The following VRK3 variants were observed in gnomAD, a reference collection of about 807,000 sequenced individuals.
VRK3 encodes the protein VRK serine/threonine kinase 3.
VRK3 carries 50 observed loss-of-function variants against 60.4 expected under a neutral mutation model. That is an observed-to-expected ratio of 0.83 (90% CI 0.66 to 1.05). The LOEUF (loss-of-function observed/expected upper bound fraction) is 1.05, where lower values mean the gene tolerates loss of function less well. Ranked by LOEUF, VRK3 falls within the 50% of genes least tolerant of loss-of-function variation. VRK3 has a pLI of 0.00. For missense variants in VRK3, 549 were observed against 585.3 expected, an observed-to-expected ratio of 0.94 and a Z score of 0.64; for synonymous variants, 246 against 227.8, an observed-to-expected ratio of 1.08 and a Z score of -0.72.
chr19:50,024,633 G>C (rs1019778908), intron 1 of VRK3, among the ~76,000 whole-genome samples: 2 of 152,148 alleles, frequency 1.3e-5, no homozygotes, highest in Non-Finnish European at 2.9e-5. Context: ...TATTAGACTA[G>C]CACCGTTCAA....
At chr19:50,018,654 A>G (rs1004190022) in intron 2 of VRK3, among the ~76,000 whole-genome samples, 8 of 152,334 alleles carry the variant, frequency 5.3e-5, no homozygotes, top group African/African-American at 1.4e-4. Context: ...AGTTAGCCAG[A>G]CTAACTTAGT....
rs1022148765 is a variant in VRK3, at chr19:49,976,742, ACTT to A, written c.*51_*53del. 1.3e-5 allele frequency: 2 copies of A among 150,664 alleles called. No homozygotes were observed. The highest frequency in any genetic ancestry group is 2.9e-5 in the Non-Finnish European group (2 of 67,946). 9.3% of individuals were successfully genotyped at this position (150,664 alleles called of 1,614,324 possible). A position where few individuals can be genotyped will look rare whatever the true frequency, so the allele number is the denominator to read the frequency against. ...TAAACAGCAGGCCTTGAGTCACATT[ACTT>A]CATTTTTTTTTTTCTGTTGCACACT... On this transcript the variant is annotated 3_prime_UTR_variant, in exon 15 of 15. Coordinates refer to ENST00000316763, the MANE Select transcript of VRK3 (RefSeq NM_016440.4).
At position 49,997,575 on chromosome 19, in the gene VRK3, T is replaced by A; in HGVS notation, c.613-5A>T. The A allele has an allele frequency of 6.2e-7, 1 of 1,613,792 alleles. No homozygotes were observed. Among genetic ancestry groups the A allele is most frequent in the Non-Finnish European group, 8.5e-7 (1 of 1,179,860 alleles). ...CAAGCGCCCATCCTTGGCATCCTGG[T>A]GGGGGACAGGAGGGGCAGAAGGCTG... On this transcript the variant is annotated splice_region_variant and splice_polypyrimidine_tract_variant and intron_variant, in intron 6 of 14. Coordinates refer to ENST00000316763, the MANE Select transcript of VRK3 (RefSeq NM_016440.4).
chr19:49,981,186 C>T (rs1015861152), intron 12 of VRK3, 173 bp from the exon 13 acceptor site: 2 of 646,926 alleles, frequency 3.1e-6, no homozygotes, highest in Admixed American at 2.4e-5. Context: ...AATCCACTAC[C>T]ATTGCTCCCA....
At chr19:50,018,441 A>G (rs974273028) in intron 2 of VRK3, among the ~76,000 whole-genome samples, 3 of 152,226 alleles carry the variant, frequency 2.0e-5, no homozygotes, top group Non-Finnish European at 2.9e-5. Context: ...CATCCCCATC[A>G]GCTGGTGAAA....
At chr19:50,018,766 C>T (rs2077115841) in intron 2 of VRK3, among the ~76,000 whole-genome samples, 1 of 151,772 alleles carries the variant, frequency 6.6e-6, no homozygotes, top group Non-Finnish European at 1.5e-5. Flanking sequence ...CTGCCTCTTC[C>T]CTCTCTGCCA....
At chr19:49,977,519 C>T (rs1046582029) in intron 14 of VRK3, among the ~76,000 whole-genome samples, 2 of 152,058 alleles carry the variant, frequency 1.3e-5, no homozygotes, top group Admixed American at 6.6e-5. Context: ...AGCCTGGGCT[C>T]GCTCCATCGA....
intron 14 of VRK3, 92 bp downstream of exon 14, chr19:49,978,991 G>C (rs2076376633): frequency 3.6e-6 from 5 of 1,381,240 alleles, no homozygotes; most frequent in Admixed American, 5.1e-5. Flanking sequence ...TATGAACGTG[G>C]AACAGCCTCT....
At chr19:49,983,924 T>C (rs1007548205) in intron 12 of VRK3, among the ~76,000 whole-genome samples, 3 of 150,400 alleles carry the variant, frequency 2.0e-5, no homozygotes, top group Non-Finnish European at 2.9e-5. Flanking sequence ...CCAGAGAGCA[T>C]TTTTGTGCGC....
intron 1 of VRK3, among the ~76,000 whole-genome samples, chr19:50,022,341 G>C (rs1225264235): frequency 6.6e-6 from 1 of 152,188 alleles, no homozygotes; most frequent in East Asian, 1.9e-4. Context: ...CACCAGCCTG[G>C]TCTAGGCCAC....
Position 49,990,124 on chromosome 19 carries a change from C to T in VRK3, c.964-353G>A, listed in dbSNP as rs552397465. ...TCACACCAGACCTCCTGTTGGGCAC[C>T]GGCACTTTACACTTTAATAGTGGTT... is the stretch of plus-strand genomic sequence containing the variant. On this transcript the variant is annotated intron_variant, in intron 10 of 14. Coordinates refer to ENST00000316763, the MANE Select transcript of VRK3 (RefSeq NM_016440.4). 9.3e-4 allele frequency among the ~76,000 whole-genome samples: 142 copies of T among 152,052 alleles called. 1 individual carries two copies. Among genetic ancestry groups the T allele is most frequent in the African/African-American group, 3.3e-3 (135 of 41,474 alleles).
chr19:49,981,401 C>T lies in VRK3; in HGVS notation c.1218-388G>A, dbSNP rs377526498. On this transcript the variant is annotated intron_variant, in intron 12 of 14. Transcript: ENST00000316763. ...CCTACTAAAAATATAAAAAACTAGC[C>T]GGGTGTGGTGGCGGGTGCCTGTGGT... is the stretch of plus-strand genomic sequence containing the variant. Among the ~76,000 whole-genome samples, 20 of 152,184 alleles carry T rather than the reference C, an allele frequency of 1.3e-4. No homozygotes were observed. The South Asian group carries it at 2.3e-3, about 17-fold the overall frequency.
chr19:50,001,080 C>T (rs1160657602), intron 5 of VRK3: 1 of 492,040 alleles, frequency 2.0e-6, no homozygotes, highest in Non-Finnish European at 3.6e-6. Flanking sequence ...TGCAGCAGGC[C>T]TGAGACGGCT....
intron 9 of VRK3, 83 bp downstream of exon 9, chr19:49,994,731 G>A (rs754002272): frequency 9.5e-6 from 12 of 1,257,960 alleles, no homozygotes; most frequent in Non-Finnish European, 1.4e-5. Context: ...GGGGCCGGAA[G>A]TGTCAATGAC....
chr19:50,006,382 A>AT (rs201998359), intron 5 of VRK3, among the ~76,000 whole-genome samples: 14 of 147,786 alleles, frequency 9.5e-5, no homozygotes, highest in Admixed American at 1.4e-4. Flanking sequence ...TCACTGAATA[A>AT]TTTTTTTTTT....
chr19:49,988,263 T>C, intron 12 of VRK3, 109 bp downstream of exon 12: 4 of 1,488,558 alleles, frequency 2.7e-6, no homozygotes, highest in South Asian at 1.2e-5. Context: ...TGGGCTCTGC[T>C]GGATGCCACC....
At chr19:49,986,940 T>A (rs1368118655) in intron 12 of VRK3, 1 of 152,292 alleles carries the variant, frequency 6.6e-6, no homozygotes, top group African/African-American at 2.4e-5. Context: ...CAGGCTGGAA[T>A]GCAGTGGCGA....
chr19:49,993,192 ACTC>A (rs1173709072), intron 9 of VRK3, among the ~76,000 whole-genome samples: 2 of 151,886 alleles, frequency 1.3e-5, no homozygotes, highest in African/African-American at 4.8e-5. Flanking sequence ...CTTCCTATCT[ACTC>A]CTGTATTTCT....
At chr19:49,997,668 G>C in intron 6 of VRK3, 98 bp from the exon 7 acceptor site, 1 of 1,366,870 alleles carries the variant, frequency 7.3e-7, no homozygotes, top group Non-Finnish European at 1.0e-6. Flanking sequence ...CAATGACCAG[G>C]CTCCTCATCA....
Sources: allele counts gnomAD v4.1 joint callset (sites outside exome capture counted in the v4.1 genomes callset), GRCh38; gene constraint gnomAD v4.1.1; transcripts MANE v1.5; gene names NCBI Gene and HGNC (gene_info 2026-07-23, HGNC 2026-07-21).